CTNNA2: variants seen among roughly 807,000 people sequenced by gnomAD.
The protein encoded by CTNNA2 is catenin alpha-2.
In CTNNA2, 42 loss-of-function variants were observed where a neutral mutation model predicts 101.0. The observed-to-expected ratio is 0.42, with a 90% CI of 0.32 to 0.54. The LOEUF is 0.54. Ranked by LOEUF, CTNNA2 falls within the 20% of genes least tolerant of loss-of-function variation. The probability of loss-of-function intolerance (pLI) is 0.14; values close to 1 mark genes in which losing one functional copy is unlikely to be tolerated. For synonymous variants in CTNNA2, 450 were observed against 456.4 expected, an observed-to-expected ratio of 0.99 and a Z score of 0.18; for missense variants, 871 against 1,223.1, an observed-to-expected ratio of 0.71 and a Z score of 4.29.
At chr2:80,055,066 G>C (rs4852171) in intron 7 of CTNNA2, among the ~76,000 whole-genome samples, 75,180 of 151,796 alleles carry the variant, frequency 0.5, 19,750 homozygotes, top group East Asian at 0.88. Flanking sequence ...TCACTCTGTG[G>C]TCCAGGCTGG....
intron 7 of CTNNA2, among the ~76,000 whole-genome samples, chr2:80,279,079 T>TGTGTGTGTGTGG (rs1381166943): frequency 6.6e-6 from 1 of 151,458 alleles, no homozygotes; most frequent in Non-Finnish European, 1.5e-5. Context: ...TGTGTGTGTG[T>TGTGTGTGTGTGG]GTGTGTGAAA....
chr2:79,928,143 T>C (rs1360322341), intron 7 of CTNNA2, among the ~76,000 whole-genome samples: 1 of 152,132 alleles, frequency 6.6e-6, no homozygotes, highest in African/African-American at 2.4e-5. Context: ...ATTGTGAGCA[T>C]TAAATTTCAT....
At chr2:80,505,443 T>C (rs536586915) in intron 9 of CTNNA2, among the ~76,000 whole-genome samples, 1 of 152,370 alleles carries the variant, frequency 6.6e-6, no homozygotes, top group Non-Finnish European at 1.5e-5. Flanking sequence ...ACATATTCTT[T>C]AAGTCTGCCA....
chr2:79,271,042 G>A (rs1366401763), intron 2 of CTNNA2, among the ~76,000 whole-genome samples: 1 of 152,096 alleles, frequency 6.6e-6, no homozygotes, highest in Non-Finnish European at 1.5e-5. Context: ...GTCTGACTTT[G>A]GAGCCATGGC....
chr2:79,909,752 C>T lies in CTNNA2; in HGVS notation c.1011C>T (p.Ala337=), dbSNP rs530587553. The T allele has an allele frequency of 1.6e-5, 26 of 1,613,108 alleles. No individual in the cohort carries two copies. Among genetic ancestry groups the T allele is most frequent in the African/African-American group, 2.7e-5 (2 of 75,038 alleles). Residue 337 remains alanine, a synonymous_variant, in exon 7 of 19, where the codon GCC becomes GCT. Coordinates refer to ENST00000402739, the MANE Select transcript of CTNNA2 (RefSeq NM_001282597.3). ...RRERIVAECN[A]VRQALQDLLS... ...AGAGGATCGTGGCGGAGTGCAACGC[C>T]GTGCGGCAGGCGCTCCAGGACCTGC...
chr2:79,715,076 G>A (rs1685990832), intron 2 of CTNNA2, among the ~76,000 whole-genome samples: 1 of 151,262 alleles, frequency 6.6e-6, no homozygotes, highest in Non-Finnish European at 1.5e-5. Context: ...GCGTGGTGGT[G>A]GATGCCTGTA....
At chr2:79,613,034 C>T (rs908229591) in intron 1 of CTNNA2, among the ~76,000 whole-genome samples, 5 of 151,964 alleles carry the variant, frequency 3.3e-5, no homozygotes, top group African/African-American at 9.7e-5. Flanking sequence ...TCCTCTCTTA[C>T]GAGTTGACTT....
Position 79,412,910 on chromosome 2 carries a change from G to T in CTNNA2, c.-135+38897G>T, listed in dbSNP as rs949148916. 2.6e-5 allele frequency among the ~76,000 whole-genome samples: 4 copies of T among 152,146 alleles called. No individual in the cohort carries two copies. In the East Asian group the frequency reaches 7.7e-4, roughly 29 times the overall value. ...GATAGTAGCAGCTTCCATTTAGGTG[G>T]TTACTTTAGGTCAACCACTCTTTTA... is the stretch of plus-strand genomic sequence containing the variant. On this transcript the variant is annotated intron_variant, in intron 4 of 21. Transcript: ENST00000466387.
At chr2:79,191,855 A>G (rs1031468002) in intron 1 of CTNNA2, among the ~76,000 whole-genome samples, 1 of 152,198 alleles carries the variant, frequency 6.6e-6, no homozygotes, top group Non-Finnish European at 1.5e-5. Flanking sequence ...CAGACTTAAC[A>G]TCAAAATGTG....
intron 1 of CTNNA2, among the ~76,000 whole-genome samples, chr2:79,572,613 G>A (rs983281184): frequency 1.3e-5 from 2 of 152,144 alleles, no homozygotes; most frequent in Admixed American, 1.3e-4. Context: ...TTAGCCATGC[G>A]TGGTGGCCCA....
intron 7 of CTNNA2, among the ~76,000 whole-genome samples, chr2:80,047,030 G>A (rs1490324740): frequency 6.6e-6 from 1 of 152,058 alleles, no homozygotes; most frequent in Non-Finnish European, 1.5e-5. Flanking sequence ...ACCCCCAGTT[G>A]CGATACCTGA....
chr2:80,442,676 A>G (rs1240956407), intron 9 of CTNNA2, among the ~76,000 whole-genome samples: 1 of 152,172 alleles, frequency 6.6e-6, no homozygotes. Context: ...CTGTATGTTA[A>G]ATGGAGATAC....
chr2:80,115,313 T>C (rs1346904541), intron 7 of CTNNA2, among the ~76,000 whole-genome samples: 2 of 152,240 alleles, frequency 1.3e-5, no homozygotes, highest in Non-Finnish European at 1.5e-5. Context: ...TTCTGTATGC[T>C]GTGAGACTAT....
chr2:79,375,313 A>G (rs1178636028), intron 4 of CTNNA2, among the ~76,000 whole-genome samples: 3 of 152,174 alleles, frequency 2.0e-5, no homozygotes, highest in East Asian at 3.8e-4. Context: ...ACTACCTTGT[A>G]AGCTTTTTGT....
intron 3 of CTNNA2, among the ~76,000 whole-genome samples, chr2:79,332,398 A>G (rs73940503): frequency 0.12 from 18,838 of 152,052 alleles, 1,291 homozygotes; most frequent in East Asian, 0.3. Context: ...TTGCCCCTTC[A>G]CCTACACTCT....
intron 3 of CTNNA2, among the ~76,000 whole-genome samples, chr2:79,367,880 C>A (rs144231079): frequency 1.7e-3 from 253 of 152,222 alleles, no homozygotes; most frequent in African/African-American, 5.7e-3. Context: ...TTATAATCTG[C>A]AGTCTATAGA....
At chr2:80,420,034 G>GAAAAAAAAA (rs527701227) in intron 9 of CTNNA2, among the ~76,000 whole-genome samples, 3 of 37,518 alleles carry the variant, frequency 8.0e-5, no homozygotes, top group Non-Finnish European at 1.2e-4. Context: ...GGGAACTTGT[G>GAAAAAAAAA]AAAAAAAAAA....
At chr2:79,772,662 T>C (rs1352488027) in intron 3 of CTNNA2, among the ~76,000 whole-genome samples, 1 of 152,154 alleles carries the variant, frequency 6.6e-6, no homozygotes, top group Non-Finnish European at 1.5e-5. Context: ...AGCCATGAAC[T>C]ACTGAGCTCA....
At chr2:79,274,771 A>G (rs890898259) in intron 2 of CTNNA2, among the ~76,000 whole-genome samples, 1 of 152,060 alleles carries the variant, frequency 6.6e-6, no homozygotes, top group Non-Finnish European at 1.5e-5. Context: ...AATTTAAGCA[A>G]TGCAATATTG....
Sources: gnomAD v4.1 joint callset for allele counts (sites outside exome capture counted in the v4.1 genomes callset) on GRCh38, gnomAD v4.1.1 for gene constraint, MANE v1.5 for transcripts, NCBI Gene and HGNC (gene_info 2026-07-23, HGNC 2026-07-21) for gene names.